The following RAB5C variants were observed in gnomAD, a reference collection of about 807,000 sequenced individuals.
The protein encoded by RAB5C is RAB5C, member RAS oncogene family.
A neutral mutation model predicts 25.2 loss-of-function variants in RAB5C; 4 were observed. The ratio of observed to expected loss-of-function variants is 0.16; its 90% CI spans 0.08 to 0.36. The LOEUF is 0.36. Among genes scored for constraint, RAB5C ranks in the 10% least tolerant of loss-of-function variants. The pLI, the probability that RAB5C is intolerant of heterozygous loss-of-function variation, is 1.00. For synonymous variants in RAB5C, 100 were observed against 106.4 expected, an observed-to-expected ratio of 0.94 and a Z score of 0.37; for missense variants, 199 against 283.8, an observed-to-expected ratio of 0.70 and a Z score of 2.15.
chr17:42,131,662 G>A (rs749109189), intron 1 of RAB5C: 2 of 1,509,664 alleles, frequency 1.3e-6, no homozygotes, highest in Middle Eastern at 3.4e-4. Context: ...GAAGAGGCAG[G>A]AGGTGTGGGA....
chr17:42,134,844 C>T (rs1220834610), intron 1 of RAB5C, among the ~76,000 whole-genome samples: 1 of 152,248 alleles, frequency 6.6e-6, no homozygotes, highest in Non-Finnish European at 1.5e-5. Context: ...CACCCTGGCC[C>T]TGTGCACAGG....
intron 4 of RAB5C, 142 bp from the exon 5 acceptor site, chr17:42,126,990 AAG>A (rs1314325604): frequency 3.2e-5 from 16 of 506,734 alleles, no homozygotes; most frequent in South Asian, 9.9e-5. Flanking sequence ...TTTCAGGCCT[AAG>A]GCTGCCCTGA....
intron 1 of RAB5C, among the ~76,000 whole-genome samples, chr17:42,147,781 G>A (rs528723622): frequency 9.9e-5 from 15 of 152,198 alleles, no homozygotes; most frequent in African/African-American, 3.1e-4. Context: ...TGTGAAGAAA[G>A]GAAGGGAAGT....
At chr17:42,139,563 A>T (rs1285980441) in intron 1 of RAB5C, among the ~76,000 whole-genome samples, 1 of 152,178 alleles carries the variant, frequency 6.6e-6, no homozygotes, top group African/African-American at 2.4e-5. Context: ...CCCAGGTTCA[A>T]GCAATTCTGC....
At chr17:42,131,393 AAC>A (rs1009914322) in intron 1 of RAB5C, among the ~76,000 whole-genome samples, 4 of 151,600 alleles carry the variant, frequency 2.6e-5, no homozygotes, top group Non-Finnish European at 5.9e-5. Flanking sequence ...CACACACACA[AAC>A]ACACACAGAA....
At chr17:42,154,446 C>A (rs1014420686) in intron 1 of RAB5C, among the ~76,000 whole-genome samples, 3 of 152,122 alleles carry the variant, frequency 2.0e-5, no homozygotes, top group Non-Finnish European at 4.4e-5. Context: ...ACCCAGACGA[C>A]CCCCCTCCCC....
chr17:42,134,975 CTTAAG>C (rs2054521738), intron 1 of RAB5C, among the ~76,000 whole-genome samples: 1 of 122,188 alleles, frequency 8.2e-6, no homozygotes, highest in African/African-American at 3.3e-5. Flanking sequence ...CTTTTTTTTT[CTTAAG>C]TTTTTTTTTT....
intron 1 of RAB5C, chr17:42,131,696 C>A: frequency 7.8e-7 from 1 of 1,282,214 alleles, no homozygotes. Flanking sequence ...GTCCTGCATC[C>A]CCAACAGCTG....
At chr17:42,143,255 T>C (rs969565278) in intron 1 of RAB5C, among the ~76,000 whole-genome samples, 2 of 152,236 alleles carry the variant, frequency 1.3e-5, no homozygotes, top group Non-Finnish European at 2.9e-5. Context: ...CATCACTCTA[T>C]GTCAACATAC....
intron 1 of RAB5C, among the ~76,000 whole-genome samples, chr17:42,134,363 T>G (rs1048617333): frequency 2.0e-5 from 3 of 152,186 alleles, no homozygotes; most frequent in Non-Finnish European, 4.4e-5. Context: ...TTTCAAAGTC[T>G]TCTTTGAGAC....
At chr17:42,132,173 C>T (rs9915255) in intron 1 of RAB5C, among the ~76,000 whole-genome samples, 52,137 of 151,968 alleles carry the variant, frequency 0.34, 11,718 homozygotes, top group African/African-American at 0.64. Flanking sequence ...AACCTCAAAT[C>T]GTTTTCCACA....
intron 1 of RAB5C, among the ~76,000 whole-genome samples, chr17:42,148,336 C>T (rs558428676): frequency 3.1e-5 from 4 of 129,886 alleles, no homozygotes; most frequent in South Asian, 5.1e-4. Context: ...ACCCAGGAGG[C>T]GGAGGTTACA....
At chr17:42,150,544 CA>C (rs759878778) in intron 1 of RAB5C, among the ~76,000 whole-genome samples, 1,622 of 19,338 alleles carry the variant, frequency 0.084, 1 homozygote, top group Middle Eastern at 0.14. Context: ...AACTCCATCT[CA>C]AAAAAAAAAA....
intron 1 of RAB5C, chr17:42,131,588 T>C: frequency 6.5e-7 from 1 of 1,529,278 alleles, no homozygotes; most frequent in African/African-American, 1.4e-5. Flanking sequence ...CTACCAACTT[T>C]CCCTTTTTCA....
At chr17:42,129,924 CA>C (rs2054467703) in intron 2 of RAB5C, among the ~76,000 whole-genome samples, 1 of 152,224 alleles carries the variant, frequency 6.6e-6, no homozygotes, top group South Asian at 2.1e-4. Context: ...ACCCACCTAT[CA>C]CCCAGCTCCG....
intron 2 of RAB5C, among the ~76,000 whole-genome samples, chr17:42,129,533 TG>T (rs1433754447): frequency 6.6e-6 from 1 of 152,212 alleles, no homozygotes; most frequent in Non-Finnish European, 1.5e-5. Flanking sequence ...AAGGCCCCTT[TG>T]CCCCTGGACC....
Position 42,128,236 on chromosome 17 carries a change from TC to T in RAB5C, c.441+24del, listed in dbSNP as rs763627850. On this transcript the variant is annotated intron_variant, in intron 4 of 5. Coordinates refer to ENST00000346213, the MANE Select transcript of RAB5C (RefSeq NM_004583.4). ...GGGGGGAGCTGCTTACTCCACTCCT[TC>T]CCCCAAGTCTGTCATCTCCCCACCT... is the stretch of plus-strand genomic sequence containing the variant. 1.3e-5 allele frequency: 21 copies of T among 1,607,628 alleles called. No individual in the cohort carries two copies. The East Asian group carries it at 4.7e-4, about 36-fold the overall frequency.
intron 1 of RAB5C, chr17:42,137,754 GC>G: frequency 6.6e-6 from 1 of 152,328 alleles, no homozygotes; most frequent in South Asian, 2.1e-4. Flanking sequence ...GGGCGTGGTG[GC>G]GCATACCTGT....
intron 5 of RAB5C, among the ~76,000 whole-genome samples, chr17:42,126,195 G>A (rs1042445544): frequency 3.9e-4 from 59 of 152,156 alleles, no homozygotes; most frequent in African/African-American, 1.4e-3. Flanking sequence ...GTGATGGCAG[G>A]CTCTGAAATG....
Sources: gnomAD v4.1 joint callset for allele counts (sites outside exome capture counted in the v4.1 genomes callset) on GRCh38, gnomAD v4.1.1 for gene constraint, MANE v1.5 for transcripts, NCBI Gene and HGNC (gene_info 2026-07-23, HGNC 2026-07-21) for gene names.